SYNDIG1: variants seen among roughly 807,000 people sequenced by gnomAD.
SYNDIG1 encodes the protein synapse differentiation-inducing gene protein 1.
SYNDIG1 carries 9 observed loss-of-function variants against 19.4 expected under a neutral mutation model. The observed-to-expected ratio is 0.46, with a 90% CI of 0.28 to 0.81. SYNDIG1 has a LOEUF of 0.81. Ranked by LOEUF, SYNDIG1 falls within the 30% of genes least tolerant of loss-of-function variation. The pLI, the probability that SYNDIG1 is intolerant of heterozygous loss-of-function variation, is 0.12. For synonymous variants in SYNDIG1, 141 were observed against 145.9 expected, an observed-to-expected ratio of 0.97 and a Z score of 0.24; for missense variants, 311 against 343.3, an observed-to-expected ratio of 0.91 and a Z score of 0.74.
At chr20:24,551,571 G>A (rs1027431683) in intron 2 of SYNDIG1, among the ~76,000 whole-genome samples, 9 of 150,144 alleles carry the variant, frequency 6.0e-5, no homozygotes, top group South Asian at 4.2e-4. Context: ...TTTTTTAGGC[G>A]TGAGCTGGGA....
intron 1 of SYNDIG1, among the ~76,000 whole-genome samples, chr20:24,526,373 G>A (rs1273604682): frequency 6.6e-6 from 1 of 151,888 alleles, no homozygotes; most frequent in Non-Finnish European, 1.5e-5. Flanking sequence ...CCCTGGTTTA[G>A]AATGATTAGA....
At chr20:24,538,089 TTGAG>T (rs1419315738) in intron 1 of SYNDIG1, among the ~76,000 whole-genome samples, 5 of 152,210 alleles carry the variant, frequency 3.3e-5, no homozygotes, top group East Asian at 3.8e-4. Flanking sequence ...TTCAGTTTAA[TTGAG>T]TTTGTCTAAT....
At chr20:24,601,275 A>G (rs1222109314) in intron 3 of SYNDIG1, among the ~76,000 whole-genome samples, 1 of 152,172 alleles carries the variant, frequency 6.6e-6, no homozygotes, top group African/African-American at 2.4e-5. Flanking sequence ...AGATTGATGT[A>G]TATTATCCTT....
At chr20:24,536,320 T>C (rs532075776) in intron 1 of SYNDIG1, among the ~76,000 whole-genome samples, 2 of 152,282 alleles carry the variant, frequency 1.3e-5, no homozygotes, top group South Asian at 2.1e-4. Context: ...CAATTCAGAA[T>C]GGACATTTGT....
At chr20:24,495,901 G>A (rs1219786803) in intron 1 of SYNDIG1, 2 of 152,146 alleles carry the variant, frequency 1.3e-5, no homozygotes, top group African/African-American at 4.8e-5. Flanking sequence ...CTGGAGTGCA[G>A]CGTCACGATC....
intron 1 of SYNDIG1, among the ~76,000 whole-genome samples, chr20:24,513,905 C>T (rs965266247): frequency 6.6e-5 from 10 of 152,160 alleles, no homozygotes; most frequent in African/African-American, 2.4e-4. Context: ...AAGGGAAACC[C>T]ATCAGACTAA....
At chr20:24,481,957 A>G (rs1323683179) in intron 1 of SYNDIG1, among the ~76,000 whole-genome samples, 1 of 152,250 alleles carries the variant, frequency 6.6e-6, no homozygotes, top group African/African-American at 2.4e-5. Context: ...ATATATATAT[A>G]TGTACACATT....
At chr20:24,587,478 C>A (rs534784126) in intron 3 of SYNDIG1, among the ~76,000 whole-genome samples, 2 of 152,344 alleles carry the variant, frequency 1.3e-5, no homozygotes, top group East Asian at 3.9e-4. Flanking sequence ...CCTCAGCCGG[C>A]TACCAGGCTG....
Position 24,658,294 on chromosome 20 carries a change from AG to A in SYNDIG1, c.619-7049del, listed in dbSNP as rs1006731355. On this transcript the variant is annotated intron_variant, in intron 3 of 3. Coordinates refer to ENST00000376862, the MANE Select transcript of SYNDIG1 (RefSeq NM_024893.3). The surrounding 1 kb of genome is among the most constrained non-coding windows in gnomAD (Gnocchi z 4.4). ...AGAGCCCAGCACTTCAGACATCTCCAGGGTGTCTCGGGGAAAGGCAGGTAGT... is the reference window on the plus strand; with the variant it reads ...AGAGCCCAGCACTTCAGACATCTCCAGGTGTCTCGGGGAAAGGCAGGTAGT... Among the ~76,000 whole-genome samples, 5 of 151,896 alleles carry A rather than the reference AG, an allele frequency of 3.3e-5. No individual in the cohort carries two copies. Among genetic ancestry groups the A allele is most frequent in the African/African-American group, 1.2e-4 (5 of 41,370 alleles).
chr20:24,618,165 A>G (rs1365137141), intron 3 of SYNDIG1, among the ~76,000 whole-genome samples: 2 of 98,130 alleles, frequency 2.0e-5, no homozygotes, highest in African/African-American at 8.0e-5. Context: ...GAGCCCAGGG[A>G]AGGGGGAGAC....
At chr20:24,516,061 C>T (rs1490520751) in intron 1 of SYNDIG1, among the ~76,000 whole-genome samples, 1 of 152,154 alleles carries the variant, frequency 6.6e-6, no homozygotes, top group Non-Finnish European at 1.5e-5. Context: ...TGATCTTTGA[C>T]AAACCTGACA....
At chr20:24,635,184 G>A (rs927701807) in intron 3 of SYNDIG1, among the ~76,000 whole-genome samples, 1 of 152,250 alleles carries the variant, frequency 6.6e-6, no homozygotes, top group Non-Finnish European at 1.5e-5. Flanking sequence ...GGGCCCAGGT[G>A]CTGGCTTCAC....
chr20:24,496,624 A>G (rs1250301125), intron 1 of SYNDIG1, among the ~76,000 whole-genome samples: 1 of 152,214 alleles, frequency 6.6e-6, no homozygotes, highest in African/African-American at 2.4e-5. Context: ...CATCTTTAAA[A>G]TGGGCATCAT....
intron 3 of SYNDIG1, among the ~76,000 whole-genome samples, chr20:24,660,356 A>C (rs932510645): frequency 2.6e-5 from 4 of 152,222 alleles, no homozygotes; most frequent in African/African-American, 9.6e-5. Context: ...TTTGTATCCC[A>C]CCAGGAGTGC....
intron 2 of SYNDIG1, among the ~76,000 whole-genome samples, chr20:24,574,424 G>A (rs1343501315): frequency 1.3e-5 from 2 of 152,086 alleles, no homozygotes; most frequent in African/African-American, 4.8e-5. Flanking sequence ...GGGAGGTGGA[G>A]GTTGCAGTGA....
Position 24,584,999 on chromosome 20 carries a change from G to A in SYNDIG1, c.618+6G>A. 1 of 1,611,196 alleles carries A rather than the reference G, an allele frequency of 6.2e-7. No homozygotes were observed. The highest frequency in any genetic ancestry group is 8.5e-7 in the Non-Finnish European group (1 of 1,179,210). On this transcript the variant is annotated splice_donor_region_variant and intron_variant, in intron 3 of 3. Coordinates refer to ENST00000376862, the MANE Select transcript of SYNDIG1 (RefSeq NM_024893.3). ...CCTTCTACTTGTCCCATGAGGTAAGGCCTCCTTGGTCTGTCGCACGTGGTG... is the reference window on the plus strand; with the variant it reads ...CCTTCTACTTGTCCCATGAGGTAAGACCTCCTTGGTCTGTCGCACGTGGTG...
chr20:24,658,615 C>A lies in SYNDIG1; in HGVS notation c.619-6731C>A, dbSNP rs1455555348. 6.6e-6 allele frequency among the ~76,000 whole-genome samples: 1 copy of A among 151,686 alleles called. No homozygotes were observed. The highest frequency in any genetic ancestry group is 2.4e-5 in the African/African-American group (1 of 41,258). ...GAACCGTGTGGAGTATGACCCCCCA[C>A]CCCCACCCCCCGGCGATTCACTGAA... On this transcript the variant is annotated intron_variant, in intron 3 of 3. Coordinates refer to ENST00000376862, the MANE Select transcript of SYNDIG1 (RefSeq NM_024893.3). This position sits in a 1 kb window ranked among gnomAD's most constrained non-coding sequence, Gnocchi z 4.4.
chr20:24,659,437 G>T (rs2059562619), intron 3 of SYNDIG1, among the ~76,000 whole-genome samples: 1 of 152,220 alleles, frequency 6.6e-6, no homozygotes, highest in South Asian at 2.1e-4. Flanking sequence ...GCACTGCCAG[G>T]TGTGGGTGAT....
At chr20:24,478,661 A>G (rs574249593) in intron 1 of SYNDIG1, among the ~76,000 whole-genome samples, 20 of 152,334 alleles carry the variant, frequency 1.3e-4, no homozygotes, top group African/African-American at 4.8e-4. Flanking sequence ...CCCAGGTAGA[A>G]CACAATGTGA....
Sources: gnomAD v4.1 joint callset for allele counts (sites outside exome capture counted in the v4.1 genomes callset) on GRCh38, gnomAD v4.1.1 for gene constraint, Gnocchi (gnomAD v3.1) non-coding constraint, MANE v1.5 for transcripts, NCBI Gene and HGNC (gene_info 2026-07-23, HGNC 2026-07-21) for gene names.